ETV4: variants seen among roughly 807,000 people sequenced by gnomAD.
The protein encoded by ETV4 is ETS translocation variant 4.
Under a neutral mutation model 65.9 loss-of-function variants are expected in ETV4, and 42 were observed. The ratio of observed to expected loss-of-function variants is 0.64; its 90% confidence interval spans 0.50 to 0.82. The LOEUF is 0.82. Among genes scored for constraint, ETV4 ranks in the 40% least tolerant of loss-of-function variants. The pLI is 0.00. For missense variants in ETV4, 583 were observed against 630.3 expected, an observed-to-expected ratio of 0.92 and a Z score of 0.80; for synonymous variants, 238 against 260.0, an observed-to-expected ratio of 0.92 and a Z score of 0.81.
At chr17:43,545,058 A>G in intron 3 of ETV4, 36 bp from the exon 4 acceptor site, 1 of 1,605,118 alleles carries the variant, frequency 6.2e-7, no homozygotes, top group Non-Finnish European at 8.5e-7. Flanking sequence ...GGTGAGGTGG[A>G]GGGGACGGTA....
chr17:43,542,709 C>T (rs1447567632), intron 4 of ETV4, among the ~76,000 whole-genome samples: 1 of 152,186 alleles, frequency 6.6e-6, no homozygotes, highest in African/African-American at 2.4e-5. Context: ...ACTGAACCTG[C>T]AACCACACTG....
chr17:43,528,614 C>CT lies in ETV4; in HGVS notation c.1359dup (p.Val454SerfsTer8), dbSNP rs781486115. 1.2e-6 allele frequency: 2 copies of CT among 1,614,194 alleles called. No homozygotes were observed. Among genetic ancestry groups the CT allele is most frequent in the East Asian group, 4.5e-5 (2 of 44,882 alleles). On this transcript the variant is annotated frameshift_variant, in exon 13 of 13. Transcript: ENST00000319349. LOFTEE classifies it high-confidence loss of function. ...CTCTCATCCAAGTGGGACAAAGGGACTGTGTCCTCCTCACTGACAGGCCGG... is the reference window on the plus strand; with the variant it reads ...CTCTCATCCAAGTGGGACAAAGGGACTTGTGTCCTCCTCACTGACAGGCCGG...
intron 4 of ETV4, among the ~76,000 whole-genome samples, chr17:43,540,938 C>T (rs555167724): frequency 6.6e-6 from 1 of 152,312 alleles, no homozygotes; most frequent in East Asian, 1.9e-4. Flanking sequence ...TTAACTGCTA[C>T]TTTCCATTGA....
chr17:43,528,893 C>T lies in ETV4; in HGVS notation c.1231-150G>A, dbSNP rs1029638422. On this transcript the variant is annotated intron_variant, in intron 12 of 12. Coordinates refer to ENST00000319349, the MANE Select transcript of ETV4 (RefSeq NM_001079675.5). ...CATGCTGGTTCCTGAGAAGCTGACT[C>T]TCCCTTCACAGTTCTTACTCCTTTT... The T allele has an allele frequency of 4.2e-6, 3 of 707,742 alleles. No homozygotes were observed. The Admixed American group carries it at 8.2e-5, about 19-fold the overall frequency. The allele number at this position is 707,742 out of a possible 1,614,324, so 43.8% of individuals were successfully genotyped here.
intron 4 of ETV4, 122 bp downstream of exon 4, chr17:43,544,853 G>T: frequency 5.6e-6 from 5 of 895,048 alleles, no homozygotes; most frequent in Non-Finnish European, 9.1e-6. Context: ...AGAGGGCCTT[G>T]GAGAACTCCT....
intron 4 of ETV4, among the ~76,000 whole-genome samples, chr17:43,539,191 T>C (rs1319369229): frequency 6.6e-6 from 1 of 152,222 alleles, no homozygotes; most frequent in Non-Finnish European, 1.5e-5. Flanking sequence ...TCTGCATGAC[T>C]TGGCCTTGCC....
intron 3 of ETV4, 107 bp from the exon 4 acceptor site, chr17:43,545,129 A>G: frequency 7.3e-7 from 1 of 1,366,672 alleles, no homozygotes; most frequent in Non-Finnish European, 1.0e-6. Context: ...GGGACCGAGA[A>G]GAATGACCAA....
At position 43,529,623 on chromosome 17, in the gene ETV4, G is replaced by C; in HGVS notation, c.1009C>G (p.Arg337Gly). ...GAFREGPPYQ[R>G]RGALQLWQFL... is the part of the protein sequence containing the mutation. ...TGCCACAGCTGCAGGGCACCCCGGC[G>C]CTGGTAGGGCGGCCCCTCTCGAAAT... Residue 337 changes from arginine to glycine, a missense_variant, in exon 11 of 13, where the codon CGC becomes GGC. Coordinates refer to ENST00000319349, the MANE Select transcript of ETV4 (RefSeq NM_001079675.5). The C allele has an allele frequency of 6.2e-7, 1 of 1,614,072 alleles. No individual in the cohort carries two copies. Among genetic ancestry groups the C allele is most frequent in the Non-Finnish European group, 8.5e-7 (1 of 1,179,996 alleles).
intron 4 of ETV4, chr17:43,544,450 A>G (rs1323932119): frequency 6.5e-6 from 1 of 153,246 alleles, no homozygotes; most frequent in Non-Finnish European, 1.5e-5. Flanking sequence ...GCCGAAAAGA[A>G]TTATTTAAAC....
chr17:43,539,857 A>G (rs139429996), intron 4 of ETV4, among the ~76,000 whole-genome samples: 1 of 152,372 alleles, frequency 6.6e-6, no homozygotes, highest in Non-Finnish European at 1.5e-5. Context: ...TTTAAATATC[A>G]GAGGTGCCAA....
At chr17:43,540,092 A>G (rs1971444962) in intron 4 of ETV4, among the ~76,000 whole-genome samples, 1 of 152,222 alleles carries the variant, frequency 6.6e-6, no homozygotes, top group Non-Finnish European at 1.5e-5. Context: ...TTTCAGGAGC[A>G]CAAACACGGC....
In ETV4 at chr17:43,529,916, T is replaced by C; in HGVS notation, c.923A>G (p.Asp308Gly). 1.2e-6 allele frequency: 2 copies of C among 1,614,092 alleles called. No homozygotes were observed. The highest frequency in any genetic ancestry group is 1.7e-6 in the Non-Finnish European group (2 of 1,180,014). The change falls in exon 10 of 13, where the codon GAT becomes GGT. Residue 308 changes from aspartate to glycine, a missense_variant. By Grantham distance (94) the Asp-to-Gly change is moderately conservative (BLOSUM62 -1). Coordinates refer to ENST00000319349, the MANE Select transcript of ETV4 (RefSeq NM_001079675.5). ...TTTCTCAGGGACAACGCAGACATCATCTGGGAATGGTCGCAGAGGTTTCTC... is the reference window on the plus strand; with the variant it reads ...TTTCTCAGGGACAACGCAGACATCACCTGGGAATGGTCGCAGAGGTTTCTC... ...GYEKPLRPFP[D>G]DVCVVPEKFE...
chr17:43,539,027 C>T (rs1417389297), intron 4 of ETV4, among the ~76,000 whole-genome samples: 4 of 152,218 alleles, frequency 2.6e-5, no homozygotes, highest in Admixed American at 2.6e-4. Flanking sequence ...TCACCCACGG[C>T]CTCTTACCAG....
In ETV4 at chr17:43,533,278, G is replaced by T. The variant is rs1971052864; in HGVS notation, c.454C>A (p.Gln152Lys). Residue 152 changes from glutamine (Q) to lysine (K), a missense_variant, in exon 7 of 13, where the codon CAG (glutamine) becomes AAG (lysine). By Grantham distance (53) the Gln-to-Lys change is moderately conservative. Transcript: ENST00000319349. ...CGTTGCTCTGCCCGGGGAAAGGGCT[G>T]TAGGGGCGACTGTCCAAGGGCACCA... ...APGALGQSPL[Q>K]PFPRAEQRNF... is the part of the protein sequence containing the mutation. 6.2e-7 allele frequency: 1 copy of T among 1,613,956 alleles called. No individual in the cohort carries two copies. The highest frequency in any genetic ancestry group is 8.5e-7 in the Non-Finnish European group (1 of 1,179,892).
chr17:43,532,448 G>A (rs1970991853), intron 8 of ETV4, among the ~76,000 whole-genome samples: 1 of 151,852 alleles, frequency 6.6e-6, no homozygotes, highest in Admixed American at 6.6e-5. Context: ...GCAGTGAGCA[G>A]AGATCGTGCC....
chr17:43,532,392 G>A (rs1460838871), intron 8 of ETV4, among the ~76,000 whole-genome samples: 1 of 152,044 alleles, frequency 6.6e-6, no homozygotes, highest in East Asian at 1.9e-4. Flanking sequence ...CCAGGTACTC[G>A]GGAGGCTGAG....
chr17:43,529,987 G>A (rs369145587), intron 9 of ETV4, 35 bp from the exon 10 acceptor site: 250 of 1,613,730 alleles, frequency 1.5e-4, no homozygotes, highest in Non-Finnish European at 2.0e-4. Context: ...TCAGATCTGG[G>A]GGTTCACCGA....
At chr17:43,530,244 AG>A (rs1970842213) in intron 8 of ETV4, 63 bp from the exon 9 acceptor site, 2 of 1,549,702 alleles carry the variant, frequency 1.3e-6, no homozygotes, top group Non-Finnish European at 1.7e-6. Flanking sequence ...GCAGGGGAGG[AG>A]GAAGTCCTAT....
At chr17:43,535,636 A>G (rs1188712816) in intron 5 of ETV4, among the ~76,000 whole-genome samples, 4 of 152,172 alleles carry the variant, frequency 2.6e-5, no homozygotes, top group South Asian at 2.1e-4. Flanking sequence ...TGTTTTATTA[A>G]TAATATTGTA....
Sources: gnomAD v4.1 joint callset for allele counts (sites outside exome capture counted in the v4.1 genomes callset) on GRCh38, gnomAD v4.1.1 for gene constraint, MANE v1.5 for transcripts, NCBI Gene and HGNC (gene_info 2026-07-23, HGNC 2026-07-21) for gene names.